UPP1: variants seen among roughly 807,000 people sequenced by gnomAD.
UPP1 encodes the protein UPase 1.
A neutral mutation model predicts 29.6 loss-of-function variants in UPP1; 25 were observed. The observed-to-expected ratio is 0.85, with a 90% CI of 0.62 to 1.18. The LOEUF (loss-of-function observed/expected upper bound fraction) is 1.18. Among genes scored for constraint, UPP1 ranks in the 50% most tolerant of loss-of-function variants. The pLI is 0.00. For missense variants in UPP1, 368 were observed against 410.4 expected (o/e 0.90, Z 0.89); for synonymous variants, 165 against 159.8 (o/e 1.03, Z -0.25).
Position 48,101,942 on chromosome 7 carries a change from G to T in UPP1, c.281G>T (p.Arg94Leu). 6.2e-7 allele frequency: 1 copy of T among 1,613,946 alleles called. No homozygotes were observed. Residue 94 changes from arginine (R) to leucine (L), a missense_variant, in exon 5 of 9, where the codon CGC becomes CTC. Coordinates refer to ENST00000395564, the MANE Select transcript of UPP1 (RefSeq NM_003364.4). ...CCCAACATCTGTGCGGGAACTGACCGCTATGCCATGTATAAAGTAGGACCG... is the reference window on the plus strand; with the variant it reads ...CCCAACATCTGTGCGGGAACTGACCTCTATGCCATGTATAAAGTAGGACCG... ...DYPNICAGTDRYAMYKVGPVL... is the reference protein window; with the variant it reads ...DYPNICAGTDLYAMYKVGPVL...
chr7:48,106,038 A>T (rs1792713027), intron 6 of UPP1: 2 of 152,290 alleles, frequency 1.3e-5, no homozygotes, highest in Admixed American at 6.5e-5. Context: ...ATAATGCATC[A>T]ATCTGAGAGG....
In UPP1 at chr7:48,103,796, C is replaced by T. The variant is rs1264794512; in HGVS notation, c.436+385C>T. ...TAATCCTGCAGGGATTTTGAAGCAC[C>T]TTAGGAGAAAAGACACAGGAAAATC... On this transcript the variant is annotated intron_variant, in intron 6 of 8. Coordinates refer to ENST00000395564, the MANE Select transcript of UPP1 (RefSeq NM_003364.4). 3 of 1,290,992 alleles carry T rather than the reference C, an allele frequency of 2.3e-6. No individual in the cohort carries two copies. In the Admixed American group the frequency reaches 6.9e-5, roughly 30 times the overall value. The allele number at this position is 1,290,992 out of a possible 1,614,324, so 80.0% of individuals were successfully genotyped here.
chr7:48,095,894 G>T (rs893663717), intron 3 of UPP1, among the ~76,000 whole-genome samples: 1 of 152,166 alleles, frequency 6.6e-6, no homozygotes, highest in Non-Finnish European at 1.5e-5. Context: ...TGATCCACCC[G>T]CCTCAGTCTC....
At chr7:48,089,838 C>CG (rs1347315940) in intron 1 of UPP1, among the ~76,000 whole-genome samples, 6 of 152,264 alleles carry the variant, frequency 3.9e-5, no homozygotes, top group African/African-American at 1.2e-4. Context: ...CAAACCCGGG[C>CG]GGGGAGTGCG....
At position 48,099,690 on chromosome 7, in the gene UPP1, TA is replaced by T; in HGVS notation, c.68del (p.Asn23IlefsTer4). 1 of 1,613,232 alleles carries T rather than the reference TA, an allele frequency of 6.2e-7. No homozygotes were observed. Among genetic ancestry groups the T allele is most frequent in the Non-Finnish European group, 8.5e-7 (1 of 1,179,228 alleles). On this transcript the variant is annotated frameshift_variant, in exon 4 of 9. Coordinates refer to ENST00000395564, the MANE Select transcript of UPP1 (RefSeq NM_003364.4). LOFTEE classifies it high-confidence loss of function. ...ESHNDCPVRLLNPNIAKMKED... is the reference protein window; with the variant it reads ...ESHNDCPVRLXNPNIAKMKED... The stretch of plus-strand genomic sequence containing the variant: ...AACAGTGATTGCCCCGTCAGACTTT[TA>T]AATCCAAACATAGCAAAAATGAAAG...
At chr7:48,103,524 G>GT in intron 6 of UPP1, 113 bp downstream of exon 6, 1 of 1,041,716 alleles carries the variant, frequency 9.6e-7, no homozygotes, top group Non-Finnish European at 1.5e-6. Flanking sequence ...TCTTGGCTTT[G>GT]TTCAAGGGAA....
At chr7:48,103,828 G>A (rs1562656762) in intron 6 of UPP1, 2 of 1,290,060 alleles carry the variant, frequency 1.6e-6, no homozygotes, top group Non-Finnish European at 2.0e-6. Flanking sequence ...AATCAAAGGG[G>A]GGAAGAGAGA....
intron 3 of UPP1, among the ~76,000 whole-genome samples, chr7:48,096,529 C>T (rs1161286102): frequency 1.3e-5 from 2 of 152,224 alleles, no homozygotes; most frequent in East Asian, 3.9e-4. Flanking sequence ...CCCACTTCCC[C>T]TTCCCCAGTA....
At chr7:48,099,957 GC>G (rs779923932) in intron 4 of UPP1, among the ~76,000 whole-genome samples, 170 bp downstream of exon 4, 1 of 152,190 alleles carries the variant, frequency 6.6e-6, no homozygotes, top group Non-Finnish European at 1.5e-5. Context: ...ATGTGAACTA[GC>G]AAGTAAAACT....
At chr7:48,093,770 T>C (rs1791975871) in intron 2 of UPP1, among the ~76,000 whole-genome samples, 1 of 152,116 alleles carries the variant, frequency 6.6e-6, no homozygotes, top group Non-Finnish European at 1.5e-5. Flanking sequence ...CCTCCTATGG[T>C]GGTCCCCTGT....
chr7:48,098,359 G>T (rs1386288956), intron 3 of UPP1, among the ~76,000 whole-genome samples: 1 of 152,116 alleles, frequency 6.6e-6, no homozygotes, highest in Non-Finnish European at 1.5e-5. Context: ...TAGAAATAGG[G>T]ATTTGATAAA....
At chr7:48,103,188 C>T in intron 5 of UPP1, 109 bp from the exon 6 acceptor site, 2 of 765,408 alleles carry the variant, frequency 2.6e-6, no homozygotes, top group Non-Finnish European at 4.5e-6. Flanking sequence ...TATCTTTCAT[C>T]ACTATGTCAA....
intron 4 of UPP1, 127 bp downstream of exon 4, chr7:48,099,914 T>A: frequency 1.5e-6 from 1 of 685,782 alleles, no homozygotes; most frequent in Admixed American, 2.5e-5. Flanking sequence ...ACATAATGTT[T>A]ACCAAATTTT....
chr7:48,091,262 A>G (rs1791815939), intron 2 of UPP1, among the ~76,000 whole-genome samples: 1 of 146,244 alleles, frequency 6.8e-6, no homozygotes, highest in Non-Finnish European at 1.5e-5. Context: ...GGTTAAAACT[A>G]AAAAAAAAAA....
In UPP1 at chr7:48,097,888, C is replaced by T. The variant is rs560052417; in HGVS notation, c.45-1782C>T. ...AAGTTCAAGGATGGTCCTTACCACA[C>T]GTGATTCTGGATTTGGTCGCTTGAA... On this transcript the variant is annotated intron_variant, in intron 3 of 8. Transcript: ENST00000395564. 5.9e-5 allele frequency among the ~76,000 whole-genome samples: 9 copies of T among 152,320 alleles called. No individual in the cohort carries two copies. In the South Asian group the frequency reaches 1.7e-3, roughly 28 times the overall value.
intron 3 of UPP1, among the ~76,000 whole-genome samples, chr7:48,098,594 C>T (rs1286058061): frequency 6.6e-6 from 1 of 152,098 alleles, no homozygotes; most frequent in Non-Finnish European, 1.5e-5. Flanking sequence ...GGGGTGCATC[C>T]CTTATTTAAC....
chr7:48,102,614 T>C (rs77985396), intron 5 of UPP1, among the ~76,000 whole-genome samples: 1,970 of 152,268 alleles, frequency 0.013, 20 homozygotes, highest in Middle Eastern at 0.024. Context: ...TTACTGATAA[T>C]CTGCGCAAGC....
chr7:48,090,958 G>A (rs1397533641), intron 2 of UPP1, among the ~76,000 whole-genome samples: 2 of 151,982 alleles, frequency 1.3e-5, no homozygotes, highest in African/African-American at 2.4e-5. Flanking sequence ...TCTTTACATG[G>A]GCTTTTTGTC....
At chr7:48,097,017 A>T (rs1038405491) in intron 3 of UPP1, among the ~76,000 whole-genome samples, 1 of 152,118 alleles carries the variant, frequency 6.6e-6, no homozygotes, top group African/African-American at 2.4e-5. Flanking sequence ...ATTTCATTTC[A>T]TATATTTCTT....
Sources: allele counts gnomAD v4.1 joint callset (sites outside exome capture counted in the v4.1 genomes callset), GRCh38; gene constraint gnomAD v4.1.1; transcripts MANE v1.5; gene names NCBI Gene and HGNC (gene_info 2026-07-23, HGNC 2026-07-21).